The following JRK variants were observed in gnomAD, a reference collection of about 807,000 sequenced individuals.
The protein encoded by JRK is Jrk helix-turn-helix protein.
For missense variants in JRK, 720 were observed against 509.2 expected (o/e 1.41, Z -3.98); for synonymous variants, 303 against 218.1 (o/e 1.39, Z -3.43).
the JRK span, among the ~76,000 whole-genome samples, chr8:142,648,032 C>G: frequency 1.3e-5 from 2 of 152,182 alleles, no homozygotes; most frequent in Non-Finnish European, 2.9e-5. Flanking sequence ...GCATTCTGCC[C>G]CTGCCCTGGA....
Position 142,662,683 on chromosome 8 carries a change from T to C in JRK, c.*1669A>G. 3 of 985,452 alleles carry C rather than the reference T, an allele frequency of 3.0e-6. No homozygotes were observed. Among genetic ancestry groups the C allele is most frequent in the Non-Finnish European group, 3.6e-6 (3 of 829,942 alleles). The allele number at this position is 985,452 out of a possible 1,614,324, so 61.0% of individuals were successfully genotyped here. A position where few individuals can be genotyped will look rare whatever the true frequency, so the allele number is the denominator to read the frequency against. On this transcript the variant is annotated 3_prime_UTR_variant, in exon 2 of 2. Transcript: ENST00000612905. ...CAGCAATGACTTTTGCCCCTGTATC[T>C]ACAGAGATGTGAAAGTACGAGAAAC... is the stretch of plus-strand genomic sequence containing the variant.
Position 142,658,584 on chromosome 8 carries a change from T to A in JRK, c.*5768A>T. The A allele has an allele frequency of 1.0e-5, 3 of 299,546 alleles. No homozygotes were observed. Among genetic ancestry groups the A allele is most frequent in the Non-Finnish European group, 1.9e-5 (3 of 160,780 alleles). 18.6% of individuals were successfully genotyped at this position (299,546 alleles called of 1,614,324 possible). Reference sequence around the variant, plus strand: ...TGACCTCGCTCTAGTTCCTTCCTTTTCTTATAAGGACTCGATCTCATCGGC... The same window carrying A: ...TGACCTCGCTCTAGTTCCTTCCTTTACTTATAAGGACTCGATCTCATCGGC... On this transcript the variant is annotated 3_prime_UTR_variant, in exon 2 of 2. Coordinates refer to ENST00000612905, the MANE Select transcript of JRK (RefSeq NM_003724.4).
rs1554635812 is a variant in JRK at position 142,665,658 on chromosome 8, C to T, written c.401G>A (p.Gly134Glu). The T allele has an allele frequency of 1.4e-6, 1 of 720,918 alleles. No individual in the cohort carries two copies. The highest frequency in any genetic ancestry group is 1.5e-5 in the South Asian group (1 of 67,832). 44.7% of individuals were successfully genotyped at this position (720,918 alleles called of 1,614,324 possible). A position where few individuals can be genotyped will look rare whatever the true frequency, so the allele number is the denominator to read the frequency against. The change falls in exon 2 of 2, where the codon GGG (glycine) becomes GAG (glutamate). Residue 134 changes from glycine to glutamate, a missense_variant. Transcript: ENST00000612905. Reference sequence around the variant, plus strand: ...TCTGGCCTTAAAGCGCCAAAGCCACCCTCCGGAGAACACGCAGGGCTCAGT... The same window carrying T: ...TCTGGCCTTAAAGCGCCAAAGCCACTCTCCGGAGAACACGCAGGGCTCAGT... ...QLTEPCVFSG[G>E]WLWRFKARHG... is the part of the protein sequence containing the mutation.
At position 142,669,767 on chromosome 8, in the gene JRK, G is replaced by A. The variant is rs1226143637; in HGVS notation, c.-463+165C>T. On this transcript the variant is annotated intron_variant, in intron 1 of 1. Transcript: ENST00000612905. ...AGGGGGCGCTGCCGCCCGCGGCTGG[G>A]TCCGGCCCCGCAGCCTCGCGACCAA... Among the ~76,000 whole-genome samples the A allele has an allele frequency of 2.4e-4, 36 of 148,786 alleles. No homozygotes were observed. In the East Asian group the frequency reaches 6.5e-3, roughly 27 times the overall value.
At chr8:142,654,441 A>G (rs1186181636), downstream of JRK, among the ~76,000 whole-genome samples, 3 of 151,910 alleles carry the variant, frequency 2.0e-5, no homozygotes, top group Non-Finnish European at 2.9e-5. Flanking sequence ...GATTCTGCTG[A>G]GCAAGGAATG....
In JRK at chr8:142,658,266, T is replaced by A. The variant is rs587703800; in HGVS notation, c.*6086A>T. ...ATAACAAAATACCACAGGCTAGGTGTCTTAAACAACATAAATTAATTTTTC... is the reference window on the plus strand; with the variant it reads ...ATAACAAAATACCACAGGCTAGGTGACTTAAACAACATAAATTAATTTTTC... On this transcript the variant is annotated 3_prime_UTR_variant, in exon 2 of 2. Coordinates refer to ENST00000612905, the MANE Select transcript of JRK (RefSeq NM_003724.4). 2 of 152,408 alleles carry A rather than the reference T, an allele frequency of 1.3e-5. No individual in the cohort carries two copies. Among genetic ancestry groups the A allele is most frequent in the Admixed American group, 1.3e-4 (2 of 15,310 alleles). The allele number at this position is 152,408 out of a possible 1,614,324, so 9.4% of individuals were successfully genotyped here. A position where few individuals can be genotyped will look rare whatever the true frequency, so the allele number is the denominator to read the frequency against.
In JRK at chr8:142,666,343, C is replaced by T. The variant is rs1847128086; in HGVS notation, c.-285G>A. 3 of 531,716 alleles carry T rather than the reference C, an allele frequency of 5.6e-6. No individual in the cohort carries two copies. In the South Asian group the frequency reaches 6.2e-5, roughly 11 times the overall value. 32.9% of individuals were successfully genotyped at this position (531,716 alleles called of 1,614,324 possible). A position where few individuals can be genotyped will look rare whatever the true frequency, so the allele number is the denominator to read the frequency against. ...CCAATTCTCTCTGTGGAGGAGGTGA[C>T]CCTGTCAGACTCCCCTCTGCTGCTC... is the stretch of plus-strand genomic sequence containing the variant. On this transcript the variant is annotated 5_prime_UTR_variant, in exon 2 of 2. Coordinates refer to ENST00000612905, the MANE Select transcript of JRK (RefSeq NM_003724.4).
At chr8:142,647,150 C>A in the JRK span, among the ~76,000 whole-genome samples, 1 of 152,156 alleles carries the variant, frequency 6.6e-6, no homozygotes, top group African/African-American at 2.4e-5. Context: ...AGATTACCTA[C>A]GTTCTTAACT....
chr8:142,654,635 C>A (rs1554633460), downstream of JRK, among the ~76,000 whole-genome samples: 1 of 92,506 alleles, frequency 1.1e-5, no homozygotes, highest in Non-Finnish European at 2.8e-5. Context: ...CCCTGGCTGG[C>A]TCAGCTCTCA....
the JRK span, among the ~76,000 whole-genome samples, chr8:142,652,303 T>C: frequency 6.6e-6 from 1 of 152,176 alleles, no homozygotes; most frequent in Non-Finnish European, 1.5e-5. Context: ...CACACGCCCA[T>C]GACACAGCCT....
downstream of JRK, among the ~76,000 whole-genome samples, chr8:142,655,271 T>G (rs782804104): frequency 7.2e-5 from 11 of 152,318 alleles, no homozygotes; most frequent in South Asian, 6.2e-4. Context: ...ACCGCTGGCC[T>G]GGGGCCCCTG....
Position 142,659,633 on chromosome 8 carries a change from C to T in JRK, c.*4719G>A. ...ATACCCAGATTCAGAGGCTCAGGAC[C>T]ACCACGGAACTGAAAGGAGGTTCAA... is the stretch of plus-strand genomic sequence containing the variant. On this transcript the variant is annotated 3_prime_UTR_variant, in exon 2 of 2. Coordinates refer to ENST00000612905, the MANE Select transcript of JRK (RefSeq NM_003724.4). 2.0e-6 allele frequency: 2 copies of T among 985,578 alleles called. No homozygotes were observed. Among genetic ancestry groups the T allele is most frequent in the Non-Finnish European group, 2.4e-6 (2 of 830,020 alleles). 61.1% of individuals were successfully genotyped at this position (985,578 alleles called of 1,614,324 possible).
chr8:142,661,229 C>T lies in JRK; in HGVS notation c.*3123G>A. ...CCTGGGGTGCTCGCAGAAGGCCAGG[C>T]TGGCACAGGCAGGACAGGTGTTCTG... On this transcript the variant is annotated 3_prime_UTR_variant, in exon 2 of 2. Coordinates refer to ENST00000612905, the MANE Select transcript of JRK (RefSeq NM_003724.4). 3 of 985,586 alleles carry T rather than the reference C, an allele frequency of 3.0e-6. No homozygotes were observed. Among genetic ancestry groups the T allele is most frequent in the Non-Finnish European group, 3.6e-6 (3 of 830,058 alleles). The allele number at this position is 985,586 out of a possible 1,614,324, so 61.1% of individuals were successfully genotyped here.
At position 142,658,709 on chromosome 8, in the gene JRK, T is replaced by C; in HGVS notation, c.*5643A>G. On this transcript the variant is annotated 3_prime_UTR_variant, in exon 2 of 2. Coordinates refer to ENST00000612905, the MANE Select transcript of JRK (RefSeq NM_003724.4). ...GGGTCAGGGTTTCAACATATAAACTTTGGGGGGGGACACAAACATGCAGTC... is the reference window on the plus strand; with the variant it reads ...GGGTCAGGGTTTCAACATATAAACTCTGGGGGGGGACACAAACATGCAGTC... 7.3e-7 allele frequency: 1 copy of C among 1,374,702 alleles called. No individual in the cohort carries two copies. Among genetic ancestry groups the C allele is most frequent in the Non-Finnish European group, 9.6e-7 (1 of 1,044,686 alleles). 85.2% of individuals were successfully genotyped at this position (1,374,702 alleles called of 1,614,324 possible).
chr8:142,649,341 G>A, the JRK span, among the ~76,000 whole-genome samples: 1 of 152,206 alleles, frequency 6.6e-6, no homozygotes. Context: ...GAATTCCCAC[G>A]TGTTGTGGGA....
In JRK at chr8:142,665,141, C is replaced by T; in HGVS notation, c.918G>A (p.Gln306=). ...CGTTACTGGACACCAGCTCGGCCTC[C>T]TGCGGGTGAGCCCGGGAGCTGTCCA... The part of the protein sequence containing the change: ...LLLDSSRAHP[Q]EAELVSSNVF... The change falls in exon 2 of 2, where the codon CAG becomes CAA. Residue 306 remains glutamine, a synonymous_variant. Coordinates refer to ENST00000612905, the MANE Select transcript of JRK (RefSeq NM_003724.4). The T allele has an allele frequency of 4.2e-6, 3 of 717,880 alleles. No homozygotes were observed. Among genetic ancestry groups the T allele is most frequent in the Non-Finnish European group, 5.2e-6 (2 of 385,098 alleles). The allele number at this position is 717,880 out of a possible 1,614,324, so 44.5% of individuals were successfully genotyped here.
chr8:142,653,152 T>C (rs782564282), downstream of JRK, among the ~76,000 whole-genome samples: 12 of 152,116 alleles, frequency 7.9e-5, no homozygotes, highest in Non-Finnish European at 1.6e-4. Context: ...CAAGCTAACT[T>C]TGGGAGAAAT....
chr8:142,665,491 C>T lies in JRK; in HGVS notation c.568G>A (p.Gly190Ser), dbSNP rs370117344. 4.6e-5 allele frequency: 33 copies of T among 718,060 alleles called. No individual in the cohort carries two copies. Among genetic ancestry groups the T allele is most frequent in the Non-Finnish European group, 7.5e-5 (29 of 385,104 alleles). 44.5% of individuals were successfully genotyped at this position (718,060 alleles called of 1,614,324 possible). ...TTTGGCAGGCACCGCCAGAAAAGGC[C>T]GGTCTCATCAGCGTTGTAAACCTGC... Reference protein sequence around the residue: ...AEQVYNADETGLFWRCLPNPT... With the variant: ...AEQVYNADETSLFWRCLPNPT... Residue 190 changes from glycine (G) to serine (S), a missense_variant, in exon 2 of 2, where the codon GGC becomes AGC. Coordinates refer to ENST00000612905, the MANE Select transcript of JRK (RefSeq NM_003724.4).
At chr8:142,656,892 G>A (rs181482149), downstream of JRK, among the ~76,000 whole-genome samples, 40 of 152,254 alleles carry the variant, frequency 2.6e-4, no homozygotes, top group African/African-American at 7.5e-4. Context: ...ACTAAGAGTT[G>A]TTGCCTGCCT....
Sources: allele counts gnomAD v4.1 joint callset (sites outside exome capture counted in the v4.1 genomes callset), GRCh38; gene constraint gnomAD v4.1.1; transcripts MANE v1.5; gene names NCBI Gene and HGNC (gene_info 2026-07-23, HGNC 2026-07-21).